Variants in MARCHF1 observed in about 807,000 individuals in gnomAD.
MARCHF1 encodes E3 ubiquitin-protein ligase MARCHF1.
In MARCHF1, 40 loss-of-function variants were observed where a neutral mutation model predicts 54.2. The ratio of observed to expected loss-of-function variants is 0.74; its 90% confidence interval spans 0.57 to 0.96. The LOEUF is 0.96. Among genes scored for constraint, MARCHF1 ranks in the 40% least tolerant of loss-of-function variants. MARCHF1 has a pLI of 0.00. For synonymous variants in MARCHF1, 236 were observed against 236.3 expected (o/e 1.00, Z 0.01); for missense variants, 586 against 656.5 (o/e 0.89, Z 1.17).
intron 1 of MARCHF1, among the ~76,000 whole-genome samples, chr4:164,161,199 G>C (rs1334319868): frequency 6.6e-6 from 1 of 152,066 alleles, no homozygotes; most frequent in Non-Finnish European, 1.5e-5. Flanking sequence ...CCTCGTGATA[G>C]GGAGTGAGTT....
intron 5 of MARCHF1, among the ~76,000 whole-genome samples, chr4:163,643,256 A>G (rs553390751): frequency 8.4e-4 from 127 of 151,740 alleles, no homozygotes; most frequent in African/African-American, 2.9e-3. Context: ...TGAGCCTGGG[A>G]GGCGGAGGTT....
At chr4:164,148,321 A>G (rs1729828980) in intron 1 of MARCHF1, among the ~76,000 whole-genome samples, 1 of 152,188 alleles carries the variant, frequency 6.6e-6, no homozygotes, top group Non-Finnish European at 1.5e-5. Context: ...CAAAATGAAC[A>G]CAAATGACAG....
intron 2 of MARCHF1, among the ~76,000 whole-genome samples, chr4:163,990,891 G>T (rs1752956446): frequency 1.3e-5 from 2 of 152,140 alleles, no homozygotes; most frequent in Admixed American, 1.3e-4. Flanking sequence ...GATAAATTCA[G>T]ACTTCAGTAG....
chr4:163,849,824 G>A (rs1370679185), intron 4 of MARCHF1, among the ~76,000 whole-genome samples: 1 of 152,080 alleles, frequency 6.6e-6, no homozygotes, highest in African/African-American at 2.4e-5. Flanking sequence ...GTGAGCAAAA[G>A]CAAACCTTTA....
intron 4 of MARCHF1, among the ~76,000 whole-genome samples, chr4:163,835,683 C>T (rs1244785174): frequency 3.3e-5 from 5 of 152,252 alleles, no homozygotes; most frequent in East Asian, 3.9e-4. Context: ...GCCCAATTCG[C>T]GAATCGTTCA....
At chr4:164,115,182 G>A (rs1332973596) in intron 1 of MARCHF1, among the ~76,000 whole-genome samples, 2 of 151,928 alleles carry the variant, frequency 1.3e-5, no homozygotes, top group African/African-American at 4.8e-5. Flanking sequence ...TCTTATATTT[G>A]TTTTCAATTT....
rs2321374 is a variant in MARCHF1, at chr4:164,242,107, G to A, written c.-322-130445C>T. Among the ~76,000 whole-genome samples, 831 of 152,072 alleles carry A rather than the reference G, an allele frequency of 5.5e-3. 5 individuals are homozygous for A. Among genetic ancestry groups the A allele is most frequent in the African/African-American group, 0.019 (775 of 41,476 alleles). ...GGTAAACAAAGCAGCCTGGAAGCTC[G>A]AACTGGGTGGAGCCCACCACAGCTC... On this transcript the variant is annotated intron_variant, in intron 1 of 9. Transcript: ENST00000514618.
At chr4:163,760,972 A>G (rs979170615) in intron 4 of MARCHF1, among the ~76,000 whole-genome samples, 4 of 152,180 alleles carry the variant, frequency 2.6e-5, no homozygotes, top group Admixed American at 2.0e-4. Context: ...TCCAAGTTCC[A>G]GACTCCATGG....
At chr4:163,990,280 T>A (rs2110890983) in intron 2 of MARCHF1, among the ~76,000 whole-genome samples, 2 of 152,192 alleles carry the variant, frequency 1.3e-5, no homozygotes, top group South Asian at 4.1e-4. Flanking sequence ...GATTTTATAA[T>A]GCATAGATCC....
intron 2 of MARCHF1, among the ~76,000 whole-genome samples, chr4:164,037,880 A>G (rs1579480934): frequency 1.3e-5 from 2 of 152,318 alleles, no homozygotes; most frequent in Non-Finnish European, 2.9e-5. Flanking sequence ...CCAATCCTCA[A>G]AAGTTACATA....
chr4:163,809,687 A>G (rs1366417598), intron 4 of MARCHF1, among the ~76,000 whole-genome samples: 3 of 152,114 alleles, frequency 2.0e-5, no homozygotes, highest in Non-Finnish European at 1.5e-5. Context: ...TATAACATAT[A>G]TCATGTATAT....
chr4:164,144,436 G>A lies in MARCHF1; in HGVS notation c.-322-32774C>T, dbSNP rs868060881. ...ATACTTGGAAGTAAAGCTCTCCTCAGCAAATGTAAAAGAACAGAAATTATA... is the reference window on the plus strand; with the variant it reads ...ATACTTGGAAGTAAAGCTCTCCTCAACAAATGTAAAAGAACAGAAATTATA... On this transcript the variant is annotated intron_variant, in intron 1 of 9. Transcript: ENST00000514618. Among the ~76,000 whole-genome samples the A allele has an allele frequency of 5.7e-3, 859 of 151,032 alleles. 8 individuals are homozygous for A. The highest frequency in any genetic ancestry group is 0.02 in the African/African-American group (817 of 40,684).
At chr4:163,642,594 C>T (rs1742593648) in intron 5 of MARCHF1, among the ~76,000 whole-genome samples, 2 of 151,986 alleles carry the variant, frequency 1.3e-5, no homozygotes, top group Admixed American at 1.3e-4. Context: ...AAAGTTCTTA[C>T]CATAATGACT....
chr4:164,158,995 C>G (rs1206426363), intron 1 of MARCHF1, among the ~76,000 whole-genome samples: 2 of 152,118 alleles, frequency 1.3e-5, no homozygotes, highest in Admixed American at 6.6e-5. Context: ...TTCTTCATGC[C>G]AAGGTTTAGT....
chr4:164,276,017 C>T (rs1175239615), intron 1 of MARCHF1, among the ~76,000 whole-genome samples: 15 of 152,106 alleles, frequency 9.9e-5, no homozygotes, highest in Non-Finnish European at 1.5e-4. Flanking sequence ...TCTAAACATG[C>T]CACCATAGTC....
At chr4:163,620,606 C>CACACACACACAGAGAG (rs1282901525) in intron 5 of MARCHF1, among the ~76,000 whole-genome samples, 10 of 56,868 alleles carry the variant, frequency 1.8e-4, no homozygotes, top group African/African-American at 4.2e-4. Context: ...CACACACACA[C>CACACACACACAGAGAG]AGAGAGAGAG....
chr4:163,650,734 A>T (rs186613095), intron 5 of MARCHF1, among the ~76,000 whole-genome samples: 273 of 152,094 alleles, frequency 1.8e-3, no homozygotes, highest in African/African-American at 6.3e-3. Context: ...CATAGCATTT[A>T]TCACTGTCTA....
intron 1 of MARCHF1, among the ~76,000 whole-genome samples, chr4:164,132,495 AT>A (rs1477078196): frequency 6.6e-6 from 1 of 152,152 alleles, no homozygotes; most frequent in Admixed American, 6.6e-5. Flanking sequence ...AAAAGTAAAA[AT>A]TTACCACCTT....
chr4:163,848,067 A>C (rs1471767284), intron 4 of MARCHF1, among the ~76,000 whole-genome samples: 1 of 152,250 alleles, frequency 6.6e-6, no homozygotes, highest in African/African-American at 2.4e-5. Flanking sequence ...GCATCTGAGT[A>C]AAATGGGTTG....
Sources: allele counts gnomAD v4.1 joint callset (sites outside exome capture counted in the v4.1 genomes callset), GRCh38; gene constraint gnomAD v4.1.1; transcripts MANE v1.5; gene names NCBI Gene and HGNC (gene_info 2026-07-23, HGNC 2026-07-21).